PDCL2: variants seen among roughly 807,000 people sequenced by gnomAD.
PDCL2 encodes the protein phosducin-like protein 2.
In PDCL2, 23 loss-of-function variants were observed where a neutral mutation model predicts 30.3. The observed-to-expected ratio is 0.76, with a 90% CI of 0.55 to 1.08. The LOEUF (loss-of-function observed/expected upper bound fraction) is 1.08. Ranked by LOEUF, PDCL2 falls within the 50% of genes least tolerant of loss-of-function variation. The pLI, the probability that PDCL2 is intolerant of heterozygous loss-of-function variation, is 0.00. For synonymous variants in PDCL2, 68 were observed against 86.2 expected (o/e 0.79, Z 1.17); for missense variants, 243 against 282.3 (o/e 0.86, Z 1.00).
intron 1 of PDCL2, among the ~76,000 whole-genome samples, chr4:55,584,142 A>T (rs1732797051): frequency 6.6e-6 from 1 of 152,168 alleles, no homozygotes; most frequent in African/African-American, 2.4e-5. Context: ...ATTTATTCCT[A>T]AGTATTTACT....
At chr4:55,574,383 C>T (rs1333425916) in intron 3 of PDCL2, among the ~76,000 whole-genome samples, 5 of 152,178 alleles carry the variant, frequency 3.3e-5, no homozygotes, top group Non-Finnish European at 7.3e-5. Flanking sequence ...GACTAGATTA[C>T]AACCCATGCC....
At chr4:55,583,364 A>AT (rs1160297644) in intron 1 of PDCL2, among the ~76,000 whole-genome samples, 1 of 152,162 alleles carries the variant, frequency 6.6e-6, no homozygotes, top group Non-Finnish European at 1.5e-5. Context: ...CAATATATAG[A>AT]TTGTCTCTTC....
chr4:55,583,946 G>A (rs1318666145), intron 1 of PDCL2, among the ~76,000 whole-genome samples: 2 of 152,144 alleles, frequency 1.3e-5, no homozygotes, highest in East Asian at 3.8e-4. Context: ...GTATAAAAGG[G>A]CATATTGGAA....
At chr4:55,587,330 C>T (rs187307183) in intron 1 of PDCL2, among the ~76,000 whole-genome samples, 2 of 149,694 alleles carry the variant, frequency 1.3e-5, no homozygotes, top group Admixed American at 1.3e-4. Context: ...CTAATCACCT[C>T]TTAAAGGCCC....
In PDCL2 at chr4:55,592,125, C is replaced by G; in HGVS notation, c.-16G>C. The G allele has an allele frequency of 6.2e-7, 1 of 1,609,026 alleles. No individual in the cohort carries two copies. Among genetic ancestry groups the G allele is most frequent in the Non-Finnish European group, 8.5e-7 (1 of 1,178,278 alleles). On this transcript the variant is annotated 5_prime_UTR_variant, in exon 1 of 6. Transcript: ENST00000295645. ...TCACCTGCATGATGCGCTGCTCTGC[C>G]CCTCAAGAGCCCGCGTCGTCCTGCA...
intron 4 of PDCL2, among the ~76,000 whole-genome samples, chr4:55,568,087 A>G (rs1732318280): frequency 6.6e-6 from 1 of 152,204 alleles, no homozygotes; most frequent in Non-Finnish European, 1.5e-5. Flanking sequence ...GGTTATATAC[A>G]GGGCTATAAT....
Position 55,562,629 on chromosome 4 carries a change from T to C in PDCL2, c.363-17A>G. 1 of 1,518,712 alleles carries C rather than the reference T, an allele frequency of 6.6e-7. No individual in the cohort carries two copies. The highest frequency in any genetic ancestry group is 1.3e-5 in the South Asian group (1 of 79,234). 94.1% of individuals were successfully genotyped at this position (1,518,712 alleles called of 1,614,324 possible). On this transcript the variant is annotated splice_polypyrimidine_tract_variant and intron_variant, in intron 4 of 5. Transcript: ENST00000295645. ...ATTGGGATGCTAAAAAGAGAAACAG[T>C]ACACACAATCTTTAATAAATGGGCT... is the stretch of plus-strand genomic sequence containing the variant.
chr4:55,581,368 A>G (rs1021110976), intron 2 of PDCL2, among the ~76,000 whole-genome samples: 2 of 152,164 alleles, frequency 1.3e-5, no homozygotes, highest in African/African-American at 4.8e-5. Flanking sequence ...TATAAATATT[A>G]TAGAAAGTAT....
intron 3 of PDCL2, among the ~76,000 whole-genome samples, chr4:55,572,259 G>T (rs1236073927): frequency 3.6e-5 from 3 of 83,718 alleles, no homozygotes; most frequent in East Asian, 5.2e-4. Context: ...AAGCAGAAAA[G>T]AACTTAATAT....
chr4:55,568,243 G>A (rs879292070), intron 4 of PDCL2, among the ~76,000 whole-genome samples: 1 of 152,180 alleles, frequency 6.6e-6, no homozygotes, highest in Admixed American at 6.5e-5. Flanking sequence ...GAGGGGTAGG[G>A]ACCTAAAGCT....
At position 55,580,801 on chromosome 4, in the gene PDCL2, A is replaced by G; in HGVS notation, c.218+20T>C. 6.6e-7 allele frequency: 1 copy of G among 1,521,740 alleles called. No individual in the cohort carries two copies. The highest frequency in any genetic ancestry group is 8.9e-7 in the Non-Finnish European group (1 of 1,125,010). 94.3% of individuals were successfully genotyped at this position (1,521,740 alleles called of 1,614,324 possible). A position where few individuals can be genotyped will look rare whatever the true frequency, so the allele number is the denominator to read the frequency against. ...TACTTCATTCAAAAATTTATAATTA[A>G]CCCAAATGAATCACTGTACCTATAT... On this transcript the variant is annotated intron_variant, in intron 3 of 5. Coordinates refer to ENST00000295645, the MANE Select transcript of PDCL2 (RefSeq NM_152401.3).
chr4:55,590,667 G>A (rs1340648136), intron 1 of PDCL2, among the ~76,000 whole-genome samples: 1 of 138,236 alleles, frequency 7.2e-6, no homozygotes, highest in African/African-American at 2.7e-5. Context: ...TTTTTTTTTT[G>A]TATTTTTAGT....
intron 5 of PDCL2, among the ~76,000 whole-genome samples, chr4:55,559,208 T>C (rs1262834845): frequency 6.6e-6 from 1 of 152,214 alleles, no homozygotes; most frequent in Non-Finnish European, 1.5e-5. Flanking sequence ...GAGCAATCTA[T>C]CAACTATCAA....
rs144858089 is a variant in PDCL2 at position 55,591,387 on chromosome 4, G to C, written c.6+717C>G. On this transcript the variant is annotated intron_variant, in intron 1 of 5. Transcript: ENST00000295645. The stretch of plus-strand genomic sequence containing the variant: ...AAACATTTTGGAAGTCTGAGTTTTT[G>C]TTTGTTTGTTTGTTTGTTCTGAGGC... Among the ~76,000 whole-genome samples the C allele has an allele frequency of 4.9e-4, 75 of 151,630 alleles. No individual in the cohort carries two copies. In the Middle Eastern group the frequency reaches 0.01, roughly 21 times the overall value.
At chr4:55,578,518 A>G (rs1018902574) in intron 3 of PDCL2, among the ~76,000 whole-genome samples, 4 of 152,292 alleles carry the variant, frequency 2.6e-5, no homozygotes, top group Non-Finnish European at 4.4e-5. Context: ...CTGCTAGTAC[A>G]ATCTTTGATT....
intron 5 of PDCL2, among the ~76,000 whole-genome samples, chr4:55,559,962 T>G (rs1019294334): frequency 1.3e-4 from 20 of 152,156 alleles, no homozygotes; most frequent in African/African-American, 4.8e-4. Context: ...GGTGATTGCC[T>G]GGGCTGAAGC....
intron 5 of PDCL2, among the ~76,000 whole-genome samples, chr4:55,558,187 T>C (rs77141336): frequency 6.6e-6 from 1 of 152,036 alleles, no homozygotes; most frequent in Admixed American, 6.6e-5. Flanking sequence ...AATTGCATTT[T>C]CTTACAGAAA....
rs1233766933 is a variant in PDCL2 at position 55,569,727 on chromosome 4, T to G, written c.353A>C (p.Tyr118Ser). The G allele has an allele frequency of 6.5e-7, 1 of 1,548,148 alleles. No homozygotes were observed. The highest frequency in any genetic ancestry group is 2.0e-5 in the Admixed American group (1 of 50,084). The change falls in exon 4 of 6, where the codon TAC becomes TCC. Residue 118 changes from tyrosine (Y) to serine (S), a missense_variant. Tyr to Ser is a moderately radical substitution (Grantham distance 144). Transcript: ENST00000295645. ...ATATTATGGTAATTACCTTGATCTGTATAGATGAATTATAACCCACACATC... is the reference window on the plus strand; with the variant it reads ...ATATTATGGTAATTACCTTGATCTGGATAGATGAATTATAACCCACACATC... ...EEDVWVIIHLYRSSIPMCLLV... is the reference protein window; with the variant it reads ...EEDVWVIIHLSRSSIPMCLLV...
chr4:55,567,350 T>A (rs1448238334), intron 4 of PDCL2, among the ~76,000 whole-genome samples: 1 of 151,906 alleles, frequency 6.6e-6, no homozygotes, highest in Admixed American at 6.6e-5. Context: ...CTGGGCGACA[T>A]AACAATACCC....
Sources: allele counts gnomAD v4.1 joint callset (sites outside exome capture counted in the v4.1 genomes callset), GRCh38; gene constraint gnomAD v4.1.1; transcripts MANE v1.5; gene names NCBI Gene and HGNC (gene_info 2026-07-23, HGNC 2026-07-21).